The following GLRB variants were observed in gnomAD, a reference collection of about 807,000 sequenced individuals.
GLRB encodes the protein glycine receptor beta, also known as glycine receptor subunit beta.
In GLRB, 33 loss-of-function variants were observed where a neutral mutation model predicts 54.2. The observed-to-expected ratio is 0.61, with a 90% CI of 0.46 to 0.81. GLRB has a LOEUF of 0.81. Among genes scored for constraint, GLRB ranks in the 40% least tolerant of loss-of-function variants. GLRB has a pLI of 0.00. For synonymous variants in GLRB, 209 were observed against 208.2 expected (o/e 1.00, Z -0.03); for missense variants, 572 against 584.6 (o/e 0.98, Z 0.22).
At chr4:157,077,257 G>GA (rs1040784820) in intron 1 of GLRB, among the ~76,000 whole-genome samples, 6 of 151,942 alleles carry the variant, frequency 3.9e-5, no homozygotes, top group East Asian at 3.9e-4. Flanking sequence ...ACGATAATTT[G>GA]AAAAAAATGT....
In GLRB at chr4:157,154,113, G is replaced by A. The variant is rs543887752; in HGVS notation, c.1197+1103G>A. ...TCTTGAGGCCTTAGAACTCTTTTCT[G>A]CCTTTCATGAAGAATAAGGATAAAA... On this transcript the variant is annotated intron_variant, in intron 9 of 9. Coordinates refer to ENST00000264428, the MANE Select transcript of GLRB (RefSeq NM_000824.5). 1.6e-3 allele frequency among the ~76,000 whole-genome samples: 239 copies of A among 152,264 alleles called. 1 individual carries two copies. Among genetic ancestry groups the A allele is most frequent in the African/African-American group, 5.5e-3 (228 of 41,546 alleles).
chr4:157,100,411 T>G (rs2126478773), intron 2 of GLRB, among the ~76,000 whole-genome samples: 1 of 152,324 alleles, frequency 6.6e-6, no homozygotes, highest in African/African-American at 2.4e-5. Context: ...TGTAAATCAA[T>G]TATTTGCTTC....
intron 2 of GLRB, among the ~76,000 whole-genome samples, chr4:157,091,217 G>A (rs1734599488): frequency 6.6e-6 from 1 of 152,000 alleles, no homozygotes; most frequent in Admixed American, 6.6e-5. Context: ...AATGATTTAT[G>A]GGTACTCTCC....
At chr4:157,150,430 T>G (rs1366216824) in intron 8 of GLRB, among the ~76,000 whole-genome samples, 2 of 152,030 alleles carry the variant, frequency 1.3e-5, no homozygotes, top group African/African-American at 2.4e-5. Flanking sequence ...ACTCCCCTTT[T>G]CCCTCCAAAA....
intron 4 of GLRB, among the ~76,000 whole-genome samples, chr4:157,124,200 T>C (rs1296622780): frequency 6.6e-6 from 1 of 151,818 alleles, no homozygotes; most frequent in East Asian, 1.9e-4. Flanking sequence ...TAGCCAAGAA[T>C]AACTTATCCT....
chr4:157,087,803 G>A (rs951650291), intron 2 of GLRB, among the ~76,000 whole-genome samples: 1 of 150,326 alleles, frequency 6.7e-6, no homozygotes, highest in African/African-American at 2.4e-5. Flanking sequence ...TTTTTCTTGT[G>A]GAGGCAAATA....
At chr4:157,160,847 C>T (rs1250769509) in intron 9 of GLRB, among the ~76,000 whole-genome samples, 1 of 151,982 alleles carries the variant, frequency 6.6e-6, no homozygotes, top group African/African-American at 2.4e-5. Context: ...GTCTATTAGG[C>T]CCACTTGGTG....
chr4:157,133,196 T>C (rs1406395565), intron 4 of GLRB, among the ~76,000 whole-genome samples: 1 of 151,946 alleles, frequency 6.6e-6, no homozygotes, highest in African/African-American at 2.4e-5. Context: ...ATACATATAA[T>C]AAAAGTAATA....
At chr4:157,082,928 T>A (rs564015978) in intron 2 of GLRB, among the ~76,000 whole-genome samples, 97 of 149,732 alleles carry the variant, frequency 6.5e-4, no homozygotes, top group Non-Finnish European at 8.1e-4. Context: ...TTGGGAAAAA[T>A]ATTACATAAT....
chr4:157,136,269 G>T, intron 4 of GLRB, 200 bp from the exon 5 acceptor site: 1 of 573,404 alleles, frequency 1.7e-6, no homozygotes. Flanking sequence ...TCTGCAGAGA[G>T]TAATTACATA....
intron 1 of GLRB, 45 bp from the exon 2 acceptor site, chr4:157,077,951 T>A: frequency 7.7e-7 from 1 of 1,293,020 alleles, no homozygotes; most frequent in South Asian, 1.2e-5. Context: ...CATATAGTTA[T>A]CATTTTCTTC....
chr4:157,153,027 GC>G lies in GLRB; in HGVS notation c.1197+19del. On this transcript the variant is annotated intron_variant, in intron 9 of 9. Transcript: ENST00000264428. ...ACTTTGCAGGTAAGGATAAAATTAT[GC>G]CATGAAATCATTTCCCCCAACCACT... 1 of 1,600,972 alleles carries G rather than the reference GC, an allele frequency of 6.2e-7. No individual in the cohort carries two copies. Among genetic ancestry groups the G allele is most frequent in the Non-Finnish European group, 8.6e-7 (1 of 1,168,396 alleles).
At chr4:157,114,322 C>T (rs1735525844) in intron 2 of GLRB, among the ~76,000 whole-genome samples, 1 of 150,334 alleles carries the variant, frequency 6.7e-6, no homozygotes, top group Non-Finnish European at 1.5e-5. Context: ...AGTGTCTTTC[C>T]TGGTCTCTCT....
chr4:157,143,631 G>GGA (rs1736695998), intron 7 of GLRB, among the ~76,000 whole-genome samples, 176 bp from the exon 8 acceptor site: 1 of 152,102 alleles, frequency 6.6e-6, no homozygotes, highest in African/African-American at 2.4e-5. Context: ...GTTCCATAAT[G>GGA]TCACCCTTTT....
intron 2 of GLRB, among the ~76,000 whole-genome samples, chr4:157,099,480 G>T (rs1316493320): frequency 6.6e-6 from 1 of 151,908 alleles, no homozygotes; most frequent in Non-Finnish European, 1.5e-5. Context: ...GGGATCACAG[G>T]CATGTGTCAC....
intron 4 of GLRB, among the ~76,000 whole-genome samples, chr4:157,128,829 G>A (rs947836497): frequency 6.6e-6 from 1 of 151,718 alleles, no homozygotes; most frequent in Non-Finnish European, 1.5e-5. Flanking sequence ...CTGACTTGAG[G>A]CTAAATTTTA....
At chr4:157,078,440 A>G (rs915759186) in intron 2 of GLRB, 2 of 161,132 alleles carry the variant, frequency 1.2e-5, no homozygotes, top group South Asian at 2.0e-4. Context: ...CTTATGCTAA[A>G]TGTGCTGTGC....
intron 9 of GLRB, among the ~76,000 whole-genome samples, chr4:157,162,944 GA>G (rs1477051231): frequency 6.6e-6 from 1 of 152,180 alleles, no homozygotes; most frequent in Non-Finnish European, 1.5e-5. Context: ...GTGGAGTCTA[GA>G]GAGGCAGGCA....
At chr4:157,138,296 G>A (rs944806287) in intron 6 of GLRB, among the ~76,000 whole-genome samples, 13 of 152,114 alleles carry the variant, frequency 8.5e-5, no homozygotes, top group Admixed American at 2.0e-4. Context: ...GGCTGGTCTC[G>A]AACTCCTGAC....
Sources: gnomAD v4.1 joint callset for allele counts (sites outside exome capture counted in the v4.1 genomes callset) on GRCh38, gnomAD v4.1.1 for gene constraint, MANE v1.5 for transcripts, NCBI Gene and HGNC (gene_info 2026-07-23, HGNC 2026-07-21) for gene names.